FRY: variants seen among roughly 807,000 people sequenced by gnomAD.
FRY encodes FRY microtubule binding protein, also known as protein furry homolog.
Under a neutral mutation model 348.4 loss-of-function variants are expected in FRY, and 128 were observed. The ratio of observed to expected loss-of-function variants is 0.37; its 90% CI spans 0.32 to 0.43. FRY has a LOEUF of 0.43. FRY is among the 20% of genes least tolerant of loss of function. The pLI, the probability that FRY is intolerant of heterozygous loss-of-function variation, is 1.00. For missense variants in FRY, 2,736 were observed against 3,695.2 expected (o/e 0.74, Z 6.73); for synonymous variants, 1,370 against 1,374.7 (o/e 1.00, Z 0.08).
chr13:32,068,371 C>T (rs547871587), intron 1 of FRY, among the ~76,000 whole-genome samples: 23 of 152,260 alleles, frequency 1.5e-4, no homozygotes, highest in African/African-American at 5.5e-4. Context: ...CAGGATTATC[C>T]TGCCTCTAGC....
intron 1 of FRY, 31 bp from the exon 2 acceptor site, chr13:32,078,803 A>G: frequency 1.3e-6 from 2 of 1,494,402 alleles, no homozygotes; most frequent in Non-Finnish European, 1.9e-6. Flanking sequence ...CATTATTATC[A>G]GCCAGTAAGA....
rs150095500 is a variant in FRY at position 32,100,151 on chromosome 13, C to G, written c.271-1812C>G. Among the ~76,000 whole-genome samples, 1,307 of 146,690 alleles carry G rather than the reference C, an allele frequency of 8.9e-3. 31 individuals carry two copies. Among genetic ancestry groups the G allele is most frequent in the African/African-American group, 0.03 (1,239 of 40,624 alleles). ...GATGGAGTCTTGCTCTGTCACCAGG[C>G]TGGAGTGCCGTGGAGCAATCTTGGG... On this transcript the variant is annotated intron_variant, in intron 2 of 60. Transcript: ENST00000542859.
intron 24 of FRY, among the ~76,000 whole-genome samples, chr13:32,184,033 G>A (rs963014619): frequency 1.3e-5 from 2 of 151,846 alleles, no homozygotes; most frequent in Non-Finnish European, 2.9e-5. Context: ...TACTAGAGTA[G>A]CCAGGTGTGG....
At chr13:32,162,421 C>T (rs1453093981) in intron 17 of FRY, among the ~76,000 whole-genome samples, 1 of 152,136 alleles carries the variant, frequency 6.6e-6, no homozygotes, top group African/African-American at 2.4e-5. Flanking sequence ...CCTCCTGAGG[C>T]TCTGAGTGTC....
intron 7 of FRY, among the ~76,000 whole-genome samples, chr13:32,131,243 C>CT (rs1879341487): frequency 6.6e-6 from 1 of 152,146 alleles, no homozygotes; most frequent in Non-Finnish European, 1.5e-5. Context: ...AATACAAATC[C>CT]TTATATCATT....
intron 2 of FRY, among the ~76,000 whole-genome samples, chr13:32,079,377 T>C (rs955595530): frequency 3.3e-5 from 5 of 152,132 alleles, no homozygotes; most frequent in African/African-American, 9.7e-5. Context: ...ATATCTCATA[T>C]ATATATATGG....
chr13:32,053,905 G>A (rs911253506), intron 1 of FRY, among the ~76,000 whole-genome samples: 1 of 152,218 alleles, frequency 6.6e-6, no homozygotes, highest in African/African-American at 2.4e-5. Context: ...AAGGAGAATC[G>A]CTTGAACCCA....
At chr13:32,115,592 T>C (rs1040825705) in intron 3 of FRY, among the ~76,000 whole-genome samples, 3 of 152,238 alleles carry the variant, frequency 2.0e-5, no homozygotes, top group Non-Finnish European at 4.4e-5. Flanking sequence ...CAGATATTTC[T>C]TCTTTCATTT....
At chr13:32,232,368 C>T (rs1165996289) in intron 41 of FRY, among the ~76,000 whole-genome samples, 1 of 152,190 alleles carries the variant, frequency 6.6e-6, no homozygotes, top group Non-Finnish European at 1.5e-5. Context: ...CCTTGTACAT[C>T]CCTGCTTTTG....
chr13:32,259,573 A>G (rs1887520855), intron 51 of FRY, among the ~76,000 whole-genome samples: 1 of 152,210 alleles, frequency 6.6e-6, no homozygotes, highest in African/African-American at 2.4e-5. Context: ...AGACCTCCAG[A>G]ATCGCTGCCT....
At chr13:32,173,919 A>C (rs971040413) in intron 19 of FRY, among the ~76,000 whole-genome samples, 1 of 152,260 alleles carries the variant, frequency 6.6e-6, no homozygotes, top group African/African-American at 2.4e-5. Flanking sequence ...TCTCATTTGA[A>C]ATGATCAAGG....
rs528150112 is a variant in FRY at position 32,239,853 on chromosome 13, C to T, written c.6659C>T (p.Thr2220Ile). The T allele has an allele frequency of 6.2e-7, 1 of 1,614,002 alleles. No homozygotes were observed. Residue 2220 changes from threonine (T) to isoleucine (I), a missense_variant, in exon 46 of 61, where the codon ACC becomes ATC. Physicochemically the swap from Thr to Ile is moderately conservative, Grantham distance 89 (BLOSUM62 -1). Transcript: ENST00000542859. The surrounding 1 kb of genome is among the most constrained non-coding windows in gnomAD (Gnocchi z 4.3). Reference sequence around the variant, plus strand: ...CTTCATGAAGCATATGCTGACATTACCTTGAATATGGTTACCTACCTGGCA... The same window carrying T: ...CTTCATGAAGCATATGCTGACATTATCTTGAATATGGTTACCTACCTGGCA... Reference protein sequence around the residue: ...RYLHEAYADITLNMVTYLAEL... With the variant: ...RYLHEAYADIILNMVTYLAEL...
intron 57 of FRY, among the ~76,000 whole-genome samples, chr13:32,276,777 C>G (rs554988870): frequency 1.3e-5 from 2 of 152,194 alleles, no homozygotes; most frequent in Non-Finnish European, 2.9e-5. Flanking sequence ...TTTCAGCATT[C>G]ACTTTTAGCC....
chr13:32,256,904 T>C (rs1566173729), intron 51 of FRY, among the ~76,000 whole-genome samples: 1 of 152,182 alleles, frequency 6.6e-6, no homozygotes, highest in African/African-American at 2.4e-5. Flanking sequence ...ACATCACAAC[T>C]GAAAGATTCC....
At chr13:32,284,614 A>C (rs1210876962) in intron 58 of FRY, among the ~76,000 whole-genome samples, 1 of 152,226 alleles carries the variant, frequency 6.6e-6, no homozygotes, top group Non-Finnish European at 1.5e-5. Flanking sequence ...GGTCCAAAAA[A>C]CTACTTAACA....
At chr13:32,044,725 G>T (rs980862494) in intron 1 of FRY, among the ~76,000 whole-genome samples, 4 of 152,152 alleles carry the variant, frequency 2.6e-5, no homozygotes, top group African/African-American at 9.7e-5. Context: ...CAGTTGCTGG[G>T]GGAACTTCTG....
At chr13:32,041,897 C>T (rs1872765144) in intron 1 of FRY, among the ~76,000 whole-genome samples, 4 of 152,150 alleles carry the variant, frequency 2.6e-5, no homozygotes, top group Admixed American at 2.6e-4. Flanking sequence ...GTTTGAAAAC[C>T]TGGCCCATTT....
At chr13:32,051,520 C>A (rs936517682) in intron 1 of FRY, among the ~76,000 whole-genome samples, 1 of 152,184 alleles carries the variant, frequency 6.6e-6, no homozygotes, top group Non-Finnish European at 1.5e-5. Context: ...CAGATGGATG[C>A]TAACTCTGTG....
rs989162985 is a variant in FRY at position 32,105,474 on chromosome 13, A to C, written c.324+3458A>C. ...GTGCTCATCTGCTGTTTCAACCAAC[A>C]AACTATAAGAATTTCAGTTCCATTG... On this transcript the variant is annotated intron_variant, in intron 3 of 60. Coordinates refer to ENST00000542859, the MANE Select transcript of FRY (RefSeq NM_023037.3). Among the ~76,000 whole-genome samples the C allele has an allele frequency of 2.6e-5, 4 of 152,334 alleles. No homozygotes were observed. In the South Asian group the frequency reaches 8.3e-4, roughly 32 times the overall value.
Sources: allele counts gnomAD v4.1 joint callset (sites outside exome capture counted in the v4.1 genomes callset), GRCh38; gene constraint gnomAD v4.1.1; non-coding constraint Gnocchi (gnomAD v3.1); transcripts MANE v1.5; gene names NCBI Gene and HGNC (gene_info 2026-07-23, HGNC 2026-07-21).